The following WDPCP variants were observed in gnomAD, a reference collection of about 807,000 sequenced individuals.
WDPCP encodes the protein WD repeat-containing and planar cell polarity effector protein fritz homolog.
A neutral mutation model predicts 93.1 loss-of-function variants in WDPCP; 71 were observed. The ratio of observed to expected loss-of-function variants is 0.76; its 90% CI spans 0.63 to 0.93. WDPCP has a LOEUF of 0.93. Ranked by LOEUF, WDPCP falls within the 40% of genes least tolerant of loss-of-function variation. WDPCP has a pLI of 0.00. For synonymous variants in WDPCP, 315 were observed against 315.0 expected (o/e 1.00, Z 0.00); for missense variants, 844 against 887.4 (o/e 0.95, Z 0.62).
Position 63,226,995 on chromosome 2 carries a change from T to A in WDPCP, c.1915+32312A>T, listed in dbSNP as rs1233167301. Reference sequence around the variant, plus strand: ...TTATGAACATCTAAGTAACCTAGAATAGCTCCAAACACTTCTTTTTTGATT... The same window carrying A: ...TTATGAACATCTAAGTAACCTAGAAAAGCTCCAAACACTTCTTTTTTGATT... On this transcript the variant is annotated intron_variant, in intron 14 of 17. Transcript: ENST00000272321. 2.6e-5 allele frequency among the ~76,000 whole-genome samples: 4 copies of A among 151,916 alleles called. No homozygotes were observed. In the East Asian group the frequency reaches 7.7e-4, roughly 29 times the overall value.
chr2:63,579,562 A>G (rs1708352489), intron 1 of WDPCP, among the ~76,000 whole-genome samples: 2 of 152,182 alleles, frequency 1.3e-5, no homozygotes, highest in African/African-American at 4.8e-5. Context: ...GTGAGTCAAC[A>G]TCACTCCATT....
chr2:63,183,199 C>A (rs1220121033), intron 14 of WDPCP, among the ~76,000 whole-genome samples: 3 of 151,238 alleles, frequency 2.0e-5, no homozygotes, highest in Non-Finnish European at 4.4e-5. Flanking sequence ...TCTTTTTTTT[C>A]TAGTTCCTTG....
chr2:63,204,672 T>G (rs572039961), intron 14 of WDPCP, among the ~76,000 whole-genome samples: 1 of 152,302 alleles, frequency 6.6e-6, no homozygotes, highest in South Asian at 2.1e-4. Context: ...ATTTAAATCT[T>G]TAGCTCATTT....
intron 17 of WDPCP, among the ~76,000 whole-genome samples, chr2:63,124,316 T>C (rs1367199932): frequency 6.6e-6 from 1 of 152,040 alleles, no homozygotes; most frequent in Non-Finnish European, 1.5e-5. Context: ...TTTTAATGTG[T>C]TGAAATTGTG....
chr2:63,223,378 A>G (rs1162752233), intron 14 of WDPCP, among the ~76,000 whole-genome samples: 1 of 152,186 alleles, frequency 6.6e-6, no homozygotes, highest in Non-Finnish European at 1.5e-5. Flanking sequence ...ATCCCGAGAT[A>G]GCATATTGTT....
chr2:63,466,509 G>C (rs1204689408), intron 6 of WDPCP, among the ~76,000 whole-genome samples: 1 of 151,926 alleles, frequency 6.6e-6, no homozygotes. Context: ...ATTCTAACTT[G>C]TACATTTAAT....
At chr2:63,204,449 C>A (rs1302684867) in intron 14 of WDPCP, among the ~76,000 whole-genome samples, 1 of 144,074 alleles carries the variant, frequency 6.9e-6, no homozygotes, top group African/African-American at 2.6e-5. Flanking sequence ...TCAAGCGATT[C>A]TCTTGCCTCA....
intron 3 of WDPCP, chr2:63,604,657 C>T: frequency 6.6e-7 from 1 of 1,524,798 alleles, no homozygotes; most frequent in Non-Finnish European, 9.0e-7. Context: ...AAATAAAAAC[C>T]ATTTGTCTCA....
At chr2:63,583,868 G>T (rs1402064536) in intron 1 of WDPCP, among the ~76,000 whole-genome samples, 1 of 152,130 alleles carries the variant, frequency 6.6e-6, no homozygotes, top group Non-Finnish European at 1.5e-5. Flanking sequence ...CTACCTGGGA[G>T]CCTGAGGCAG....
At chr2:63,602,303 T>G (rs1709433814) in intron 3 of WDPCP, among the ~76,000 whole-genome samples, 1 of 151,376 alleles carries the variant, frequency 6.6e-6, no homozygotes, top group Admixed American at 6.6e-5. Flanking sequence ...TTTTAGGTAA[T>G]GGCCTTTTTT....
chr2:63,755,168 C>T (rs1669943847), intron 2 of WDPCP, among the ~76,000 whole-genome samples: 3 of 152,182 alleles, frequency 2.0e-5, no homozygotes, highest in Non-Finnish European at 2.9e-5. Context: ...ACTTGGAAAT[C>T]ACATTCCATC....
intron 1 of WDPCP, among the ~76,000 whole-genome samples, chr2:63,814,994 C>G (rs973589710): frequency 2.0e-5 from 3 of 152,114 alleles, no homozygotes; most frequent in African/African-American, 7.2e-5. Context: ...AATAATGAAA[C>G]TGTATCTATA....
intron 14 of WDPCP, among the ~76,000 whole-genome samples, chr2:63,256,968 T>A (rs893294864): frequency 6.6e-6 from 1 of 152,150 alleles, no homozygotes; most frequent in Non-Finnish European, 1.5e-5. Flanking sequence ...TGGTAACATA[T>A]GTTACTTGGT....
intron 13 of WDPCP, among the ~76,000 whole-genome samples, chr2:63,267,701 T>C (rs1682257404): frequency 6.6e-6 from 1 of 152,084 alleles, no homozygotes; most frequent in Non-Finnish European, 1.5e-5. Flanking sequence ...GAGAGGTAGA[T>C]GCCAACAGAT....
chr2:63,554,954 A>C (rs2901614), intron 1 of WDPCP, among the ~76,000 whole-genome samples: 119,526 of 152,122 alleles, frequency 0.79, 47,350 homozygotes, highest in East Asian at 0.98. Flanking sequence ...AAGAAACCAC[A>C]CTTTTTCCAC....
At chr2:63,273,974 T>A (rs143095500) in intron 13 of WDPCP, among the ~76,000 whole-genome samples, 47 of 152,260 alleles carry the variant, frequency 3.1e-4, no homozygotes, top group Non-Finnish European at 7.4e-5. Flanking sequence ...AAACATTGGA[T>A]TGAAACTGCA....
intron 3 of WDPCP, among the ~76,000 whole-genome samples, chr2:63,628,684 A>G (rs1709834956): frequency 6.6e-6 from 1 of 152,210 alleles, no homozygotes; most frequent in Admixed American, 6.5e-5. Flanking sequence ...CCAATTTGAC[A>G]TCTTGGTATG....
At chr2:63,306,042 A>C (rs1178716994) in intron 13 of WDPCP, among the ~76,000 whole-genome samples, 2 of 152,210 alleles carry the variant, frequency 1.3e-5, no homozygotes, top group East Asian at 3.8e-4. Context: ...AGACACAATA[A>C]AAAATGATAA....
chr2:63,700,088 C>T (rs542233016), intron 2 of WDPCP, among the ~76,000 whole-genome samples: 1 of 151,756 alleles, frequency 6.6e-6, no homozygotes, highest in South Asian at 2.1e-4. Flanking sequence ...GAGTTTGACA[C>T]CCGCCTGGGC....
Sources: allele counts gnomAD v4.1 joint callset (sites outside exome capture counted in the v4.1 genomes callset), GRCh38; gene constraint gnomAD v4.1.1; transcripts MANE v1.5; gene names NCBI Gene and HGNC (gene_info 2026-07-23, HGNC 2026-07-21).